C8orf89: variants seen among roughly 807,000 people sequenced by gnomAD.
C8orf89 encodes the protein putative uncharacterized protein C8orf89.
Under a neutral mutation model 15.8 loss-of-function variants are expected in C8orf89, and 14 were observed. The observed-to-expected ratio is 0.89, with a 90% CI of 0.59 to 1.39. The LOEUF (loss-of-function observed/expected upper bound fraction) is 1.39. C8orf89 is among the 40% of genes most tolerant of loss of function. The probability of loss-of-function intolerance (pLI) is 0.00; values close to 1 mark genes in which losing one functional copy is unlikely to be tolerated. For synonymous variants in C8orf89, 55 were observed against 62.2 expected, an observed-to-expected ratio of 0.88 and a Z score of 0.54; for missense variants, 181 against 184.5, an observed-to-expected ratio of 0.98 and a Z score of 0.11.
chr8:73,254,905 G>A (rs1223978821), intron 2 of C8orf89, among the ~76,000 whole-genome samples: 1 of 152,140 alleles, frequency 6.6e-6, no homozygotes, highest in East Asian at 1.9e-4. Context: ...TGGGAAAACT[G>A]GCTAGCCATA....
chr8:73,277,673 G>A, the C8orf89 span: 3 of 755,388 alleles, frequency 4.0e-6, no homozygotes, highest in Non-Finnish European at 7.5e-6. Context: ...AAATAAGGCT[G>A]GAAATCCTTC....
upstream of C8orf89, among the ~76,000 whole-genome samples, chr8:73,262,634 T>A (rs1055240398): frequency 1.3e-5 from 2 of 151,684 alleles, no homozygotes; most frequent in African/African-American, 2.4e-5. Flanking sequence ...CCAGGCAACA[T>A]AGTGAGACCC....
intron 2 of C8orf89, 146 bp downstream of exon 2, chr8:73,256,827 G>C (rs2605890): frequency 5.5e-6 from 2 of 364,786 alleles, no homozygotes; most frequent in African/African-American, 2.6e-5. Flanking sequence ...AAATAGCTTA[G>C]ATTTTAAAAA....
At chr8:73,278,210 A>T in the C8orf89 span, among the ~76,000 whole-genome samples, 4 of 152,198 alleles carry the variant, frequency 2.6e-5, no homozygotes, top group Non-Finnish European at 5.9e-5. Flanking sequence ...TAAAACAATG[A>T]TTACCCCTAA....
chr8:73,262,816 C>CAAAAAAAA (rs33942390), upstream of C8orf89, among the ~76,000 whole-genome samples: 1 of 134,242 alleles, frequency 7.4e-6, no homozygotes, highest in African/African-American at 2.8e-5. Flanking sequence ...GATCCTGGCT[C>CAAAAAAAA]AAAAAAAAAA....
chr8:73,280,744 C>CACATATATATACACATATATATAT, the C8orf89 span, among the ~76,000 whole-genome samples: 1 of 149,574 alleles, frequency 6.7e-6, no homozygotes, highest in Non-Finnish European at 1.5e-5. Flanking sequence ...TATATATATA[C>CACATATATATACACATATATATAT]ACACACACAC....
chr8:73,261,237 C>G (rs952224646), upstream of C8orf89, among the ~76,000 whole-genome samples: 3 of 152,126 alleles, frequency 2.0e-5, no homozygotes, highest in Non-Finnish European at 4.4e-5. Flanking sequence ...TAGTTCTGTC[C>G]CTCTAGAGAA....
the C8orf89 span, among the ~76,000 whole-genome samples, chr8:73,272,661 G>C: frequency 2.6e-5 from 4 of 151,596 alleles, no homozygotes; most frequent in East Asian, 7.8e-4. Flanking sequence ...GTGTCCAAGT[G>C]TTCTCATTGT....
At chr8:73,256,726 C>CACAAAA in intron 2 of C8orf89, among the ~76,000 whole-genome samples, 1 of 43,702 alleles carries the variant, frequency 2.3e-5, no homozygotes, top group Non-Finnish European at 4.5e-5. Context: ...GACTCTGTCT[C>CACAAAA]AAAAAAAAAA....
upstream of C8orf89, among the ~76,000 whole-genome samples, chr8:73,264,106 C>T (rs1243774807): frequency 2.6e-5 from 4 of 152,172 alleles, no homozygotes; most frequent in Non-Finnish European, 4.4e-5. Context: ...CTTAGGAACA[C>T]TGAACAGCAC....
chr8:73,277,463 C>G, the C8orf89 span: 1 of 1,012,278 alleles, frequency 9.9e-7, no homozygotes, highest in South Asian at 1.5e-5. Context: ...TCTCGGTGCT[C>G]GAGAAGAATC....
chr8:73,284,044 AAAAAAAAAAAG>A, the C8orf89 span, among the ~76,000 whole-genome samples: 10 of 148,060 alleles, frequency 6.8e-5, no homozygotes, highest in East Asian at 3.9e-4. Context: ...CTCTGTCTTA[AAAAAAAAAAAG>A]AAAAAAAAAA....
chr8:73,261,952 G>T (rs753510361), upstream of C8orf89, among the ~76,000 whole-genome samples: 12 of 152,096 alleles, frequency 7.9e-5, no homozygotes, highest in Non-Finnish European at 1.3e-4. Context: ...CTCTTTCCAA[G>T]CAACAAAGAA....
At position 73,241,365 on chromosome 8, in the gene C8orf89, T is replaced by G; in HGVS notation, c.*92A>C. ...ATATTTATTTATTTACATTTCCATT[T>G]TTATATAAATCATTTTGCATCATAT... On this transcript the variant is annotated 3_prime_UTR_variant, in exon 4 of 4. Transcript: ENST00000624510. 2.9e-6 allele frequency: 3 copies of G among 1,044,610 alleles called. No homozygotes were observed. The highest frequency in any genetic ancestry group is 3.8e-6 in the Non-Finnish European group (3 of 795,554). The allele number at this position is 1,044,610 out of a possible 1,614,324, so 64.7% of individuals were successfully genotyped here. A position where few individuals can be genotyped will look rare whatever the true frequency, so the allele number is the denominator to read the frequency against.
At chr8:73,248,095 C>A (rs186576783) in intron 3 of C8orf89, among the ~76,000 whole-genome samples, 32 of 152,246 alleles carry the variant, frequency 2.1e-4, no homozygotes, top group South Asian at 6.2e-4. Context: ...AGTCTTTAAT[C>A]TATCTTGAGT....
At chr8:73,270,274 C>T in the C8orf89 span, among the ~76,000 whole-genome samples, 13 of 152,096 alleles carry the variant, frequency 8.5e-5, 1 homozygote, top group African/African-American at 1.7e-4. Flanking sequence ...AAGTGAAAGT[C>T]GTTGAAAATT....
chr8:73,254,588 G>A (rs558678206), intron 2 of C8orf89, among the ~76,000 whole-genome samples: 9 of 152,196 alleles, frequency 5.9e-5, no homozygotes, highest in African/African-American at 1.9e-4. Flanking sequence ...TCCAGGGGAC[G>A]CCTCATGCCT....
chr8:73,255,791 G>A (rs539894009), intron 2 of C8orf89, among the ~76,000 whole-genome samples: 4 of 151,534 alleles, frequency 2.6e-5, no homozygotes, highest in Non-Finnish European at 5.9e-5. Context: ...AAAAAATAAT[G>A]AGTTCATGTC....
At chr8:73,272,541 G>A in the C8orf89 span, among the ~76,000 whole-genome samples, 1 of 151,976 alleles carries the variant, frequency 6.6e-6, no homozygotes, top group Non-Finnish European at 1.5e-5. Flanking sequence ...TGCCGTGTTG[G>A]TGTGCTGCAC....
Sources: gnomAD v4.1 joint callset for allele counts (sites outside exome capture counted in the v4.1 genomes callset) on GRCh38, gnomAD v4.1.1 for gene constraint, MANE v1.5 for transcripts, NCBI Gene and HGNC (gene_info 2026-07-23, HGNC 2026-07-21) for gene names.